Variants in NDUFS5 observed in about 807,000 individuals in gnomAD.
The protein encoded by NDUFS5 is NADH dehydrogenase [ubiquinone] iron-sulfur protein 5.
A neutral mutation model predicts 10.5 loss-of-function variants in NDUFS5; 7 were observed. The ratio of observed to expected loss-of-function variants is 0.66; its 90% CI spans 0.38 to 1.25. The LOEUF is 1.25. Among genes scored for constraint, NDUFS5 ranks in the 50% most tolerant of loss-of-function variants. NDUFS5 has a pLI of 0.02. For synonymous variants in NDUFS5, 38 were observed against 44.0 expected (o/e 0.86, Z 0.54); for missense variants, 148 against 140.7 (o/e 1.05, Z -0.26).
intron 2 of NDUFS5, among the ~76,000 whole-genome samples, chr1:39,031,921 G>C (rs1644192867): frequency 6.6e-6 from 1 of 152,062 alleles, no homozygotes; most frequent in Non-Finnish European, 1.5e-5. Context: ...ACTTTGGGAG[G>C]CTGAGGCGGT....
At chr1:39,032,163 CA>C (rs571362067) in intron 2 of NDUFS5, among the ~76,000 whole-genome samples, 50 of 151,962 alleles carry the variant, frequency 3.3e-4, no homozygotes, top group African/African-American at 1.0e-3. Flanking sequence ...AACTCTGTGT[CA>C]AAAAAACAAA....
At chr1:39,028,416 C>T (rs896745006) in intron 1 of NDUFS5, among the ~76,000 whole-genome samples, 2 of 151,952 alleles carry the variant, frequency 1.3e-5, no homozygotes, top group Admixed American at 1.3e-4. Flanking sequence ...GGGTAACAGA[C>T]GGAGACTCCA....
At chr1:39,027,269 G>A (rs549818552) in intron 1 of NDUFS5, among the ~76,000 whole-genome samples, 62 of 152,032 alleles carry the variant, frequency 4.1e-4, no homozygotes, top group Non-Finnish European at 7.4e-4. Context: ...AGAGGGTTTC[G>A]CCATGTTGGT....
At position 39,034,401 on chromosome 1, in the gene NDUFS5, G is replaced by T. The variant is rs1276490344; in HGVS notation, c.226G>T (p.Ala76Ser). 1 of 1,613,102 alleles carries T rather than the reference G, an allele frequency of 6.2e-7. No individual in the cohort carries two copies. Among genetic ancestry groups the T allele is most frequent in the South Asian group, 1.1e-5 (1 of 91,056 alleles). Residue 76 changes from alanine to serine, a missense_variant, in exon 3 of 3, where the codon GCA (alanine) becomes TCA (serine). By Grantham distance (99) the Ala-to-Ser change is moderately conservative. Transcript: ENST00000372969. ...CLLRQKTMRRAGTIRKQRDKL... is the reference protein window; with the variant it reads ...CLLRQKTMRRSGTIRKQRDKL... Reference sequence around the variant, plus strand: ...CATTTTCCTTTGACAGATGAGACGTGCAGGTACCATCAGGAAGCAGCGGGA... The same window carrying T: ...CATTTTCCTTTGACAGATGAGACGTTCAGGTACCATCAGGAAGCAGCGGGA...
chr1:39,027,805 C>T (rs1003653437), intron 1 of NDUFS5, among the ~76,000 whole-genome samples: 27 of 16,368 alleles, frequency 1.6e-3, no homozygotes, highest in Non-Finnish European at 2.5e-3. Flanking sequence ...TTCTTTTTTT[C>T]TTCTTCTTCT....
rs553352814 is a variant in NDUFS5, at chr1:39,034,254, G to A, written c.217-138G>A. ...GATTTCATGTTAATTCTTTAAAGGCGGACTTCATTTCAGAGGCCCCGTAAG... is the reference window on the plus strand; with the variant it reads ...GATTTCATGTTAATTCTTTAAAGGCAGACTTCATTTCAGAGGCCCCGTAAG... On this transcript the variant is annotated intron_variant, in intron 2 of 2. Coordinates refer to ENST00000372969, the MANE Select transcript of NDUFS5 (RefSeq NM_004552.3). The A allele has an allele frequency of 2.1e-5, 15 of 702,350 alleles. 1 individual carries two copies. The highest frequency in any genetic ancestry group is 9.2e-5 in the East Asian group (3 of 32,648). 43.5% of individuals were successfully genotyped at this position (702,350 alleles called of 1,614,324 possible). A position where few individuals can be genotyped will look rare whatever the true frequency, so the allele number is the denominator to read the frequency against.
chr1:39,030,868 G>A (rs1323597707), intron 2 of NDUFS5, among the ~76,000 whole-genome samples: 1 of 152,094 alleles, frequency 6.6e-6, no homozygotes, highest in East Asian at 1.9e-4. Flanking sequence ...GTTGTTGGTT[G>A]ATTAATTTTA....
chr1:39,028,013 T>G (rs1309360861), intron 1 of NDUFS5, among the ~76,000 whole-genome samples: 1 of 148,172 alleles, frequency 6.7e-6, no homozygotes, highest in African/African-American at 2.5e-5. Flanking sequence ...AGAGACGGGA[T>G]TTCACCATAT....
intron 1 of NDUFS5, among the ~76,000 whole-genome samples, chr1:39,028,403 C>G (rs1056633999): frequency 6.6e-6 from 1 of 152,046 alleles, no homozygotes; most frequent in African/African-American, 2.4e-5. Context: ...TGCGCTGCAG[C>G]CTGGGTAACA....
intron 2 of NDUFS5, among the ~76,000 whole-genome samples, chr1:39,033,356 G>A (rs1049043377): frequency 6.6e-6 from 1 of 151,768 alleles, no homozygotes; most frequent in African/African-American, 2.4e-5. Context: ...GGCGGATCAC[G>A]AGGTCAGGAG....
chr1:39,031,118 C>T (rs1414044659), intron 2 of NDUFS5, among the ~76,000 whole-genome samples: 1 of 152,058 alleles, frequency 6.6e-6, no homozygotes, highest in Non-Finnish European at 1.5e-5. Context: ...GATCTGCCTG[C>T]CTTGGCCTCC....
At chr1:39,028,645 T>C (rs1301502776) in intron 1 of NDUFS5, 78 bp from the exon 2 acceptor site, 2 of 1,327,376 alleles carry the variant, frequency 1.5e-6, no homozygotes, top group African/African-American at 1.5e-5. Context: ...GATTATCTAA[T>C]TTTTTCTTAG....
Position 39,034,455 on chromosome 1 carries a change from C to G in NDUFS5, c.280C>G (p.Pro94Ala). Reference protein sequence around the residue: ...DKLIKEGKYTPPPHHIGKGEP... With the variant: ...DKLIKEGKYTAPPHHIGKGEP... ...GCTGATAAAGGAAGGAAAGTACACC[C>G]CTCCACCTCACCACATTGGCAAGGG... Residue 94 changes from proline (P) to alanine (A), a missense_variant, in exon 3 of 3, where the codon CCT (proline) becomes GCT (alanine). By Grantham distance (27) the Pro-to-Ala change is conservative (BLOSUM62 -1). Transcript: ENST00000372969. The G allele has an allele frequency of 6.2e-7, 1 of 1,613,740 alleles. No homozygotes were observed. The highest frequency in any genetic ancestry group is 8.5e-7 in the Non-Finnish European group (1 of 1,179,770).
At chr1:39,029,102 C>T (rs915373043) in intron 2 of NDUFS5, among the ~76,000 whole-genome samples, 162 bp downstream of exon 2, 2 of 151,638 alleles carry the variant, frequency 1.3e-5, no homozygotes, top group African/African-American at 4.8e-5. Context: ...AGGCGATTCG[C>T]GTACCTCAGC....
chr1:39,032,661 A>T (rs1644197749), intron 2 of NDUFS5, among the ~76,000 whole-genome samples: 1 of 152,138 alleles, frequency 6.6e-6, no homozygotes, highest in Admixed American at 6.6e-5. Context: ...GAGCAGAAAA[A>T]TAACAAGTAA....
rs1157906500 is a variant in NDUFS5 at position 39,027,814 on chromosome 1, C to CTT, written c.-2-888_-2-887dup. Among the ~76,000 whole-genome samples, 187 of 35,562 alleles carry CTT rather than the reference C, an allele frequency of 5.3e-3. 3 individuals are homozygous for CTT. The highest frequency in any genetic ancestry group is 0.018 in the African/African-American group (184 of 10,512). The allele number at this position is 35,562 out of a possible 152,430, so 23.3% of individuals were successfully genotyped here. On this transcript the variant is annotated intron_variant, in intron 1 of 2. Coordinates refer to ENST00000372969, the MANE Select transcript of NDUFS5 (RefSeq NM_004552.3). ...TCCAAATTCTTTTTTTCTTCTTCTT[C>CTT]TTTTTTTTTTTTTTTTTTTTTTGAG...
In NDUFS5 at chr1:39,034,489, G is replaced by A. The variant is rs773429040; in HGVS notation, c.314G>A (p.Arg105Gln). The A allele has an allele frequency of 2.5e-5, 41 of 1,613,166 alleles. No individual in the cohort carries two copies. Among genetic ancestry groups the A allele is most frequent in the Admixed American group, 1.0e-4 (6 of 59,944 alleles). ...CACCACATTGGCAAGGGGGAGCCTC[G>A]GCCCTGAACAGAGCAGCTGCTGATG... Reference protein sequence around the residue: ...PPHHIGKGEPRP With the variant: ...PPHHIGKGEPQP The change falls in exon 3 of 3, where the codon CGG (arginine) becomes CAG (glutamine). Residue 105 changes from arginine to glutamine, a missense_variant. Arg to Gln is a conservative substitution (Grantham distance 43). Transcript: ENST00000372969.
chr1:39,033,085 CAT>C (rs1205956085), intron 2 of NDUFS5, among the ~76,000 whole-genome samples: 4 of 152,132 alleles, frequency 2.6e-5, no homozygotes, highest in African/African-American at 4.8e-5. Flanking sequence ...ACTTGTGTAA[CAT>C]AGTTTTGATT....
chr1:39,033,005 T>C (rs1455535280), intron 2 of NDUFS5, among the ~76,000 whole-genome samples: 1 of 152,204 alleles, frequency 6.6e-6, no homozygotes, highest in Non-Finnish European at 1.5e-5. Context: ...AGAGGAATAA[T>C]GTGATCAGAT....
Sources: gnomAD v4.1 joint callset for allele counts (sites outside exome capture counted in the v4.1 genomes callset) on GRCh38, gnomAD v4.1.1 for gene constraint, MANE v1.5 for transcripts, NCBI Gene and HGNC (gene_info 2026-07-23, HGNC 2026-07-21) for gene names.